SORCS3: variants seen among roughly 807,000 people sequenced by gnomAD.
SORCS3 encodes VPS10 domain-containing receptor SorCS3.
SORCS3 carries 57 observed loss-of-function variants against 146.3 expected under a neutral mutation model. The ratio of observed to expected loss-of-function variants is 0.39; its 90% CI spans 0.31 to 0.49. The LOEUF (loss-of-function observed/expected upper bound fraction) is 0.49, where lower values mean the gene tolerates loss of function less well. Among genes scored for constraint, SORCS3 ranks in the 20% least tolerant of loss-of-function variants. The pLI is 0.92. For missense variants in SORCS3, 1,341 were observed against 1,575.5 expected, an observed-to-expected ratio of 0.85 and a Z score of 2.52; for synonymous variants, 653 against 618.5, an observed-to-expected ratio of 1.06 and a Z score of -0.83.
At chr10:105,134,931 C>T (rs2056048760) in intron 7 of SORCS3, among the ~76,000 whole-genome samples, 1 of 152,096 alleles carries the variant, frequency 6.6e-6, no homozygotes, top group Non-Finnish European at 1.5e-5. Context: ...GCAGATTCCC[C>T]TCCAGCTGCA....
chr10:104,918,393 A>G (rs574457616), intron 3 of SORCS3, among the ~76,000 whole-genome samples: 2 of 152,338 alleles, frequency 1.3e-5, no homozygotes, highest in South Asian at 4.1e-4. Context: ...GGCCAGATGT[A>G]TTTGCATCAG....
intron 2 of SORCS3, among the ~76,000 whole-genome samples, chr10:104,879,331 G>A (rs1052534663): frequency 6.6e-6 from 1 of 151,940 alleles, no homozygotes; most frequent in South Asian, 2.1e-4. Flanking sequence ...TTGGCTCATG[G>A]TCCCTGTCTC....
At chr10:104,973,708 T>C (rs1016965966) in intron 3 of SORCS3, among the ~76,000 whole-genome samples, 17 of 150,746 alleles carry the variant, frequency 1.1e-4, no homozygotes, top group Middle Eastern at 3.4e-3. Flanking sequence ...AGTTCTGCTC[T>C]GATTTTAGTT....
intron 1 of SORCS3, among the ~76,000 whole-genome samples, chr10:104,770,903 C>A (rs1048678451): frequency 1.3e-5 from 2 of 152,128 alleles, no homozygotes; most frequent in Admixed American, 1.3e-4. Context: ...CCTGGTATAT[C>A]CAAAATACTA....
At chr10:105,031,322 CACACACACAA>C (rs551921047) in intron 4 of SORCS3, among the ~76,000 whole-genome samples, 5,806 of 112,546 alleles carry the variant, frequency 0.052, 278 homozygotes, top group African/African-American at 0.19. Context: ...AAACAACACA[CACACACACAA>C]ACACACACAC....
chr10:104,654,112 T>C (rs569317208), intron 1 of SORCS3, among the ~76,000 whole-genome samples: 2 of 152,326 alleles, frequency 1.3e-5, no homozygotes, highest in African/African-American at 2.4e-5. Flanking sequence ...CTTCCATCCA[T>C]GTTTTTGCAA....
intron 17 of SORCS3, 59 bp downstream of exon 17, chr10:105,211,309 C>A: frequency 8.5e-7 from 1 of 1,181,906 alleles, no homozygotes; most frequent in Non-Finnish European, 1.3e-6. Context: ...TAAACTAGGA[C>A]CAAAGGAAAT....
intron 10 of SORCS3, among the ~76,000 whole-genome samples, chr10:105,158,131 AC>A (rs1446336697): frequency 6.6e-6 from 1 of 152,032 alleles, no homozygotes; most frequent in Non-Finnish European, 1.5e-5. Context: ...ATGCCTGCTT[AC>A]CTCTAGGAAT....
chr10:104,867,911 T>A (rs2018477796), intron 2 of SORCS3, among the ~76,000 whole-genome samples: 1 of 152,198 alleles, frequency 6.6e-6, no homozygotes, highest in Non-Finnish European at 1.5e-5. Flanking sequence ...CCTTTTTAAG[T>A]GGATCATTTT....
At chr10:104,842,925 C>A in intron 2 of SORCS3, 66 bp downstream of exon 2, 2 of 1,284,110 alleles carry the variant, frequency 1.6e-6, no homozygotes, top group Non-Finnish European at 2.3e-6. Context: ...GCAAGCTAAG[C>A]AGTTGGGAAG....
intron 14 of SORCS3, among the ~76,000 whole-genome samples, chr10:105,198,170 T>C (rs2056554558): frequency 6.6e-6 from 1 of 152,178 alleles, no homozygotes; most frequent in South Asian, 2.1e-4. Flanking sequence ...AACCTTTTAA[T>C]AGAAAGGAAT....
chr10:105,205,627 G>T (rs563292690), intron 16 of SORCS3, among the ~76,000 whole-genome samples: 3 of 151,960 alleles, frequency 2.0e-5, no homozygotes, highest in African/African-American at 4.8e-5. Flanking sequence ...AGCCCTCCAG[G>T]AGACCTGAAT....
At chr10:104,762,397 C>T (rs746960245) in intron 1 of SORCS3, among the ~76,000 whole-genome samples, 8 of 152,172 alleles carry the variant, frequency 5.3e-5, no homozygotes, top group South Asian at 2.1e-4. Context: ...AAGCAGGAAA[C>T]GCATTTGCTT....
At position 104,755,402 on chromosome 10, in the gene SORCS3, A is replaced by T. The variant is rs556937917; in HGVS notation, c.628-87390A>T. On this transcript the variant is annotated intron_variant, in intron 1 of 26. Coordinates refer to ENST00000369701, the MANE Select transcript of SORCS3 (RefSeq NM_014978.3). ...CATATGTGAATTTTCTTGAGAAGAGAACTTGGGACTTAACATTAAGGAATT... is the reference window on the plus strand; with the variant it reads ...CATATGTGAATTTTCTTGAGAAGAGTACTTGGGACTTAACATTAAGGAATT... 3.9e-5 allele frequency among the ~76,000 whole-genome samples: 6 copies of T among 152,298 alleles called. No homozygotes were observed. The South Asian group carries it at 1.2e-3, about 32-fold the overall frequency.
intron 14 of SORCS3, among the ~76,000 whole-genome samples, chr10:105,178,840 T>C (rs2056425114): frequency 6.6e-6 from 1 of 152,170 alleles, no homozygotes; most frequent in Non-Finnish European, 1.5e-5. Flanking sequence ...ACCTCAGCTC[T>C]TCACTGGACA....
chr10:104,686,264 C>G (rs994681965), intron 1 of SORCS3, among the ~76,000 whole-genome samples: 1 of 152,030 alleles, frequency 6.6e-6, no homozygotes, highest in African/African-American at 2.4e-5. Flanking sequence ...TGGGTATGTT[C>G]TCTGGTCTTG....
At chr10:104,905,047 C>A (rs550151409) in intron 2 of SORCS3, among the ~76,000 whole-genome samples, 11 of 152,116 alleles carry the variant, frequency 7.2e-5, no homozygotes, top group Non-Finnish European at 1.6e-4. Context: ...TCCTGCTTAG[C>A]CATTCAAAAG....
chr10:104,679,544 C>T (rs1393297734), intron 1 of SORCS3, among the ~76,000 whole-genome samples: 1 of 152,126 alleles, frequency 6.6e-6, no homozygotes, highest in Admixed American at 6.6e-5. Context: ...CAACTGGATC[C>T]CCTTTACACC....
chr10:105,115,984 G>A (rs2055891147), intron 7 of SORCS3, among the ~76,000 whole-genome samples: 1 of 152,184 alleles, frequency 6.6e-6, no homozygotes, highest in African/African-American at 2.4e-5. Context: ...ATCTTCAGGT[G>A]AATATTCTTG....
Sources: allele counts gnomAD v4.1 joint callset (sites outside exome capture counted in the v4.1 genomes callset), GRCh38; gene constraint gnomAD v4.1.1; transcripts MANE v1.5; gene names NCBI Gene and HGNC (gene_info 2026-07-23, HGNC 2026-07-21).